CADPS: variants seen among roughly 807,000 people sequenced by gnomAD.
CADPS encodes the protein calcium-dependent secretion activator 1.
In CADPS, 57 loss-of-function variants were observed where a neutral mutation model predicts 167.3. That is an observed-to-expected ratio of 0.34 (90% CI 0.28 to 0.42). CADPS has a LOEUF of 0.42. Ranked by LOEUF, CADPS falls within the 20% of genes least tolerant of loss-of-function variation. The pLI is 1.00. For synonymous variants in CADPS, 676 were observed against 635.3 expected (o/e 1.06, Z -0.96); for missense variants, 1,414 against 1,738.1 (o/e 0.81, Z 3.32).
chr3:62,584,620 C>T (rs2084178249), intron 8 of CADPS, among the ~76,000 whole-genome samples: 1 of 152,218 alleles, frequency 6.6e-6, no homozygotes, highest in African/African-American at 2.4e-5. Context: ...TCTTATTTGG[C>T]ATCTTACCTA....
At chr3:62,678,552 G>A (rs2076664275) in intron 3 of CADPS, among the ~76,000 whole-genome samples, 1 of 151,960 alleles carries the variant, frequency 6.6e-6, no homozygotes, top group Admixed American at 6.6e-5. Context: ...GGAAGAAACT[G>A]CAATGAATTC....
chr3:62,480,492 G>A (rs2061865828), intron 22 of CADPS, among the ~76,000 whole-genome samples: 1 of 152,108 alleles, frequency 6.6e-6, no homozygotes, highest in African/African-American at 2.4e-5. Flanking sequence ...TATGATTTTA[G>A]TGTGAACTTG....
At chr3:62,686,048 T>A (rs977801530) in intron 3 of CADPS, among the ~76,000 whole-genome samples, 1 of 152,090 alleles carries the variant, frequency 6.6e-6, no homozygotes, top group African/African-American at 2.4e-5. Flanking sequence ...ATTACCTTGA[T>A]CTGACCACCA....
chr3:62,532,145 T>C (rs78515674), intron 13 of CADPS, among the ~76,000 whole-genome samples: 1,555 of 152,362 alleles, frequency 0.01, 20 homozygotes, highest in African/African-American at 0.036. Flanking sequence ...TTGTACATGC[T>C]GTTCCTTTTG....
chr3:62,575,615 G>A (rs1379789673), intron 8 of CADPS, among the ~76,000 whole-genome samples: 1 of 152,164 alleles, frequency 6.6e-6, no homozygotes, highest in Non-Finnish European at 1.5e-5. Context: ...GAAAGTTTAA[G>A]TAACTTTCCT....
intron 1 of CADPS, among the ~76,000 whole-genome samples, chr3:62,782,368 C>CAA (rs1559595694): frequency 6.6e-6 from 1 of 152,146 alleles, no homozygotes; most frequent in Non-Finnish European, 1.5e-5. Context: ...CACTATGTGC[C>CAA]AAGCACTGTT....
At chr3:62,732,103 G>A (rs955365882) in intron 3 of CADPS, among the ~76,000 whole-genome samples, 1 of 152,238 alleles carries the variant, frequency 6.6e-6, no homozygotes, top group African/African-American at 2.4e-5. Context: ...GGCATTTGTG[G>A]TAGGTAGCTT....
chr3:62,826,084 T>A (rs2073988290), intron 1 of CADPS, among the ~76,000 whole-genome samples: 1 of 152,186 alleles, frequency 6.6e-6, no homozygotes, highest in African/African-American at 2.4e-5. Flanking sequence ...CCTTGGGACA[T>A]AGCTTTTGCC....
chr3:62,682,497 T>C (rs891601964), intron 3 of CADPS, among the ~76,000 whole-genome samples: 1 of 152,072 alleles, frequency 6.6e-6, no homozygotes, highest in African/African-American at 2.4e-5. Context: ...GTGAAATCGC[T>C]AGTGTTCAGT....
chr3:62,828,482 A>G (rs1482763890), intron 1 of CADPS, among the ~76,000 whole-genome samples: 1 of 152,184 alleles, frequency 6.6e-6, no homozygotes, highest in Non-Finnish European at 1.5e-5. Flanking sequence ...CTTTTGCCAT[A>G]ACGGCTTGAA....
intron 10 of CADPS, chr3:62,550,909 A>T (rs775659763): frequency 3.1e-5 from 14 of 456,436 alleles, no homozygotes; most frequent in Non-Finnish European, 5.7e-5. Context: ...TCAGGAGGAA[A>T]CCCTGACTTT....
At chr3:62,662,247 T>C (rs995855816) in intron 4 of CADPS, 67 bp downstream of exon 4, 1 of 1,289,134 alleles carries the variant, frequency 7.8e-7, no homozygotes, top group Non-Finnish European at 1.1e-6. Flanking sequence ...AGGCTGTCAA[T>C]AATCAATGTG....
rs568555485 is a variant in CADPS, at chr3:62,547,367, T to C, written c.1966+2536A>G. Among the ~76,000 whole-genome samples, 4 of 152,284 alleles carry C rather than the reference T, an allele frequency of 2.6e-5. No homozygotes were observed. The South Asian group carries it at 8.3e-4, about 32-fold the overall frequency. ...TGTTTCCTGTATTACACAGTCTCCA[T>C]AGCTGATTGTAGTGGCTTGTTCTTT... On this transcript the variant is annotated intron_variant, in intron 11 of 29. Transcript: ENST00000383710.
intron 28 of CADPS, among the ~76,000 whole-genome samples, chr3:62,425,947 A>G (rs933354201): frequency 3.3e-5 from 5 of 152,284 alleles, no homozygotes; most frequent in Admixed American, 2.0e-4. Flanking sequence ...TGAGGCTTCC[A>G]TCTCACTGGG....
At chr3:62,697,599 T>C (rs1359364461) in intron 3 of CADPS, among the ~76,000 whole-genome samples, 2 of 152,096 alleles carry the variant, frequency 1.3e-5, no homozygotes, top group East Asian at 1.9e-4. Flanking sequence ...TATAATGGTT[T>C]CTTTTCCTCT....
intron 28 of CADPS, among the ~76,000 whole-genome samples, chr3:62,427,285 G>C (rs1193310622): frequency 6.6e-6 from 1 of 152,042 alleles, no homozygotes; most frequent in Non-Finnish European, 1.5e-5. Flanking sequence ...TTTGGATGAA[G>C]CTTGTCAAAA....
At chr3:62,661,251 G>A (rs549625655) in intron 4 of CADPS, among the ~76,000 whole-genome samples, 10 of 152,278 alleles carry the variant, frequency 6.6e-5, no homozygotes, top group African/African-American at 2.2e-4. Context: ...ATCACCATTC[G>A]ATGAGCTGCT....
chr3:62,788,508 C>G (rs558311644), intron 1 of CADPS, among the ~76,000 whole-genome samples: 3 of 152,146 alleles, frequency 2.0e-5, no homozygotes, highest in African/African-American at 7.2e-5. Flanking sequence ...AAGATCCACG[C>G]CTTCAATCCA....
At position 62,453,807 on chromosome 3, in the gene CADPS, C is replaced by T. The variant is rs796564684; in HGVS notation, c.3637-8010G>A. ...TGATGGATTCCCAGGGCTCTGTCACCAGAGGGCCTGAAATGTCTTCTTTGC... is the reference window on the plus strand; with the variant it reads ...TGATGGATTCCCAGGGCTCTGTCACTAGAGGGCCTGAAATGTCTTCTTTGC... On this transcript the variant is annotated intron_variant, in intron 26 of 29. Transcript: ENST00000383710. 5.3e-5 allele frequency among the ~76,000 whole-genome samples: 8 copies of T among 152,276 alleles called. 1 individual carries two copies. Among genetic ancestry groups the T allele is most frequent in the African/African-American group, 1.9e-4 (8 of 41,572 alleles).
Sources: gnomAD v4.1 joint callset for allele counts (sites outside exome capture counted in the v4.1 genomes callset) on GRCh38, gnomAD v4.1.1 for gene constraint, MANE v1.5 for transcripts, NCBI Gene and HGNC (gene_info 2026-07-23, HGNC 2026-07-21) for gene names.